The following HERC4 variants were observed in gnomAD, a reference collection of about 807,000 sequenced individuals.
HERC4 encodes probable E3 ubiquitin-protein ligase HERC4.
A neutral mutation model predicts 124.3 loss-of-function variants in HERC4; 28 were observed. That is an observed-to-expected ratio of 0.23 (90% CI 0.17 to 0.31). The LOEUF is 0.31. HERC4 is among the 10% of genes least tolerant of loss of function. The pLI is 1.00. For missense variants in HERC4, 713 were observed against 1,229.3 expected (o/e 0.58, Z 6.28); for synonymous variants, 407 against 421.5 (o/e 0.97, Z 0.42).
Position 67,948,488 on chromosome 10 carries a change from C to G in HERC4, c.2337+6107G>C, listed in dbSNP as rs151171680. Among the ~76,000 whole-genome samples, 640 of 152,230 alleles carry G rather than the reference C, an allele frequency of 4.2e-3. 4 individuals carry two copies. Among genetic ancestry groups the G allele is most frequent in the African/African-American group, 0.015 (611 of 41,542 alleles). The stretch of plus-strand genomic sequence containing the variant: ...ACCACAATGCAATACCACCTTACTC[C>G]CACAAGGATAGCCATAATAAAAAAA... On this transcript the variant is annotated intron_variant, in intron 19 of 24. Transcript: ENST00000373700.
At chr10:68,010,164 C>T (rs1208867221) in intron 9 of HERC4, 10 of 970,352 alleles carry the variant, frequency 1.0e-5, no homozygotes, top group Middle Eastern at 3.1e-4. Context: ...CCCTAGCTTC[C>T]GCCCTCTCCC....
intron 3 of HERC4, among the ~76,000 whole-genome samples, chr10:68,057,119 A>G (rs981398065): frequency 1.3e-5 from 2 of 152,196 alleles, no homozygotes; most frequent in African/African-American, 4.8e-5. Context: ...ATATATATAT[A>G]TATTTGTCCT....
At chr10:67,964,340 T>C (rs2034718273) in intron 16 of HERC4, among the ~76,000 whole-genome samples, 1 of 152,180 alleles carries the variant, frequency 6.6e-6, no homozygotes, top group Non-Finnish European at 1.5e-5. Context: ...CTCTCCTAGT[T>C]TTCCCTCTAC....
intron 7 of HERC4, among the ~76,000 whole-genome samples, chr10:68,026,342 T>C (rs915234324): frequency 6.6e-6 from 1 of 152,090 alleles, no homozygotes; most frequent in African/African-American, 2.4e-5. Context: ...GCAATCCTCT[T>C]GCCTTGGCTT....
chr10:68,006,745 G>T (rs555118707), intron 9 of HERC4, among the ~76,000 whole-genome samples: 1 of 152,112 alleles, frequency 6.6e-6, no homozygotes, highest in East Asian at 1.9e-4. Context: ...ATTTTCAGTG[G>T]ATATAATATT....
At chr10:68,027,929 G>GA (rs1400256054) in intron 7 of HERC4, among the ~76,000 whole-genome samples, 2 of 145,624 alleles carry the variant, frequency 1.4e-5, no homozygotes, top group Non-Finnish European at 3.0e-5. Flanking sequence ...ATCTCAAAAA[G>GA]AAAAAAATTA....
intron 15 of HERC4, among the ~76,000 whole-genome samples, chr10:67,972,479 C>A (rs545453865): frequency 9.1e-5 from 12 of 131,336 alleles, no homozygotes; most frequent in African/African-American, 2.8e-4. Context: ...TGAGATCGTG[C>A]CTGCACTCCA....
intron 4 of HERC4, among the ~76,000 whole-genome samples, chr10:68,041,705 CTTATA>C (rs2039777168): frequency 1.3e-5 from 2 of 152,066 alleles, no homozygotes. Flanking sequence ...TGTGTTTCCA[CTTATA>C]TTAAACTACG....
chr10:68,070,051 G>GAAAA, intron 3 of HERC4: 1 of 974,586 alleles, frequency 1.0e-6, no homozygotes, highest in Non-Finnish European at 1.2e-6. Context: ...CAAACAAAAC[G>GAAAA]AAACAAAACA....
intron 16 of HERC4, chr10:67,966,385 T>A (rs2034865199): frequency 3.8e-6 from 1 of 262,256 alleles, no homozygotes. Flanking sequence ...AGAGGCAACC[T>A]CATGGAAAAT....
intron 12 of HERC4, 40 bp from the exon 13 acceptor site, chr10:67,991,055 T>G: frequency 7.3e-7 from 1 of 1,364,182 alleles, no homozygotes; most frequent in Non-Finnish European, 9.8e-7. Context: ...GAATAAAAAT[T>G]TAAAATTATT....
intron 9 of HERC4, among the ~76,000 whole-genome samples, chr10:68,008,308 A>T (rs1419711973): frequency 6.6e-6 from 1 of 152,184 alleles, no homozygotes; most frequent in Non-Finnish European, 1.5e-5. Context: ...TCTATTGTTG[A>T]TGTTTATTCA....
intron 15 of HERC4, among the ~76,000 whole-genome samples, chr10:67,985,867 A>C: frequency 6.6e-6 from 1 of 152,230 alleles, no homozygotes; most frequent in East Asian, 1.9e-4. Flanking sequence ...TCCTGAAATG[A>C]ATAGGGAACA....
chr10:68,000,499 A>C (rs796919447), intron 9 of HERC4, among the ~76,000 whole-genome samples: 2 of 151,658 alleles, frequency 1.3e-5, no homozygotes, highest in African/African-American at 4.8e-5. Flanking sequence ...GGATCGCTTG[A>C]GTCTGGGAGG....
Position 68,028,696 on chromosome 10 carries a change from A to G in HERC4, c.778-3020T>C, listed in dbSNP as rs572718678. ...AAAGCATATTCTTGGAGAAAAATAA[A>G]TGAGTTCATACTAACACTTGCGATT... On this transcript the variant is annotated intron_variant, in intron 7 of 24. Transcript: ENST00000373700. Among the ~76,000 whole-genome samples the G allele has an allele frequency of 5.3e-5, 8 of 152,368 alleles. No individual in the cohort carries two copies. The South Asian group carries it at 1.7e-3, about 32-fold the overall frequency.
chr10:67,952,627 G>A (rs1008662108), intron 19 of HERC4, among the ~76,000 whole-genome samples: 4 of 151,748 alleles, frequency 2.6e-5, no homozygotes, highest in South Asian at 2.1e-4. Context: ...GGCCGGGCGC[G>A]GTGGCTCACA....
rs1200291789 is a variant in HERC4 at position 67,932,781 on chromosome 10, C to A, written c.2655-1G>T. The A allele has an allele frequency of 1.3e-6, 2 of 1,586,656 alleles. No homozygotes were observed. Among genetic ancestry groups the A allele is most frequent in the Admixed American group, 2.0e-5 (1 of 49,950 alleles). On this transcript the variant is annotated splice_acceptor_variant, in intron 22 of 24. Transcript: ENST00000373700. LOFTEE classifies it high-confidence loss of function. ...CACATAAGCATCGACAAACTCTTGC[C>A]TAGAAATGAAAAAGCACACATGTAC...
At chr10:68,006,333 C>G (rs1263585052) in intron 9 of HERC4, among the ~76,000 whole-genome samples, 1 of 150,050 alleles carries the variant, frequency 6.7e-6, no homozygotes, top group African/African-American at 2.4e-5. Context: ...TAGTACAGGT[C>G]TGCTGTTGAT....
At chr10:68,012,042 CTAA>C in intron 9 of HERC4, among the ~76,000 whole-genome samples, 1 of 152,310 alleles carries the variant, frequency 6.6e-6, no homozygotes, top group South Asian at 2.1e-4. Flanking sequence ...ACTTCACGAA[CTAA>C]TATTTGCTAG....
Sources: allele counts gnomAD v4.1 joint callset (sites outside exome capture counted in the v4.1 genomes callset), GRCh38; gene constraint gnomAD v4.1.1; transcripts MANE v1.5; gene names NCBI Gene and HGNC (gene_info 2026-07-23, HGNC 2026-07-21).